Variants in SDHA observed in about 807,000 individuals in gnomAD.
SDHA encodes succinate dehydrogenase [ubiquinone] flavoprotein subunit, mitochondrial.
SDHA carries 48 observed loss-of-function variants against 78.4 expected under a neutral mutation model. That is an observed-to-expected ratio of 0.61 (90% confidence interval 0.49 to 0.78). The LOEUF (loss-of-function observed/expected upper bound fraction) is 0.78. Ranked by LOEUF, SDHA falls within the 30% of genes least tolerant of loss-of-function variation. SDHA has a pLI of 0.00. For synonymous variants in SDHA, 326 were observed against 353.9 expected (o/e 0.92, Z 0.88); for missense variants, 680 against 892.7 (o/e 0.76, Z 3.04).
At chr5:254,563 C>T (rs1737059922) in intron 14 of SDHA, 57 bp downstream of exon 14, 1 of 1,501,430 alleles carries the variant, frequency 6.7e-7, no homozygotes, top group Non-Finnish European at 9.0e-7. Flanking sequence ...CCGCCCAGGC[C>T]TGCGGGCTGG....
At chr5:230,766 A>G (rs1231894303) in intron 6 of SDHA, 110 bp from the exon 7 acceptor site, 33 of 1,448,182 alleles carry the variant, frequency 2.3e-5, no homozygotes. Context: ...GTGTGTGCAC[A>G]GCACTGAGAA....
the SDHA span, among the ~76,000 whole-genome samples, chr5:265,299 C>CCT: frequency 6.6e-6 from 1 of 152,184 alleles, no homozygotes; most frequent in Non-Finnish European, 1.5e-5. Context: ...TTGTTCCTTT[C>CCT]ACATAGACAC....
At chr5:252,447 A>G (rs1425508919) in intron 13 of SDHA, among the ~76,000 whole-genome samples, 1 of 148,326 alleles carries the variant, frequency 6.7e-6, no homozygotes, top group African/African-American at 2.5e-5. Context: ...TGTGGAGGAA[A>G]TGCCAGTTTA....
intron 10 of SDHA, among the ~76,000 whole-genome samples, chr5:238,170 T>C (rs961321313): frequency 2.0e-5 from 3 of 151,804 alleles, no homozygotes; most frequent in African/African-American, 7.3e-5. Context: ...ATGCCTGTGG[T>C]TCTGTTGATA....
intron 4 of SDHA, 66 bp from the exon 5 acceptor site, chr5:225,817 G>C (rs1734981998): frequency 6.3e-7 from 1 of 1,585,466 alleles, no homozygotes; most frequent in African/African-American, 1.3e-5. Context: ...GTTTAGTGTA[G>C]ATTAGCTGCG....
At chr5:232,666 AAAAT>A (rs1735484638) in intron 7 of SDHA, among the ~76,000 whole-genome samples, 1 of 151,740 alleles carries the variant, frequency 6.6e-6, no homozygotes, top group African/African-American at 2.4e-5. Flanking sequence ...TGAAACTTAG[AAAAT>A]CAAAAGACAG....
intron 11 of SDHA, chr5:249,168 A>C (rs983818305): frequency 2.4e-5 from 9 of 375,398 alleles, no homozygotes; most frequent in Non-Finnish European, 1.0e-5. Context: ...AAAATGGATA[A>C]AAACACTTGG....
intron 7 of SDHA, among the ~76,000 whole-genome samples, chr5:232,708 C>A (rs1211341500): frequency 6.6e-6 from 1 of 151,552 alleles, no homozygotes; most frequent in Non-Finnish European, 1.5e-5. Flanking sequence ...TTTTTAAAAG[C>A]AAGATTGCCC....
the SDHA span, among the ~76,000 whole-genome samples, chr5:267,176 AG>A: frequency 6.6e-6 from 1 of 152,252 alleles, no homozygotes; most frequent in Non-Finnish European, 1.5e-5. Context: ...AAAAGTGGTA[AG>A]TCATTGTCTT....
At chr5:246,336 A>C (rs1217617951) in intron 11 of SDHA, among the ~76,000 whole-genome samples, 1 of 152,126 alleles carries the variant, frequency 6.6e-6, no homozygotes, top group Non-Finnish European at 1.5e-5. Context: ...AAGGCCATAA[A>C]GCCCAAGTAA....
chr5:226,507 T>G (rs1374115152), intron 5 of SDHA, among the ~76,000 whole-genome samples: 1 of 152,048 alleles, frequency 6.6e-6, no homozygotes, highest in Non-Finnish European at 1.5e-5. Flanking sequence ...TGGTACATGC[T>G]TGTAATCCCA....
At chr5:257,132 CTGAGAACGAA>C (rs1737257148), downstream of SDHA, among the ~76,000 whole-genome samples, 1 of 152,184 alleles carries the variant, frequency 6.6e-6, no homozygotes, top group Admixed American at 6.5e-5. Context: ...ATGTTGGTGC[CTGAGAACGAA>C]TGGAGAAAAC....
intron 11 of SDHA, among the ~76,000 whole-genome samples, chr5:241,694 C>T: frequency 6.6e-6 from 1 of 152,182 alleles, no homozygotes; most frequent in East Asian, 1.9e-4. Context: ...CTAAAAAGTC[C>T]ATTGCTTTAG....
At chr5:257,670 C>G (rs1737295870), downstream of SDHA, among the ~76,000 whole-genome samples, 2 of 121,292 alleles carry the variant, frequency 1.6e-5, no homozygotes, top group South Asian at 4.8e-4. Flanking sequence ...TGGGTGAGCT[C>G]CACCCCCTGC....
In SDHA at chr5:229,794, G is replaced by T. The variant is rs1188757983; in HGVS notation, c.771-1082G>T. Among the ~76,000 whole-genome samples, 724 of 125,646 alleles carry T rather than the reference G, an allele frequency of 5.8e-3. 14 individuals carry two copies. The highest frequency in any genetic ancestry group is 0.035 in the African/African-American group (663 of 18,744). The allele number at this position is 125,646 out of a possible 152,430, so 82.4% of individuals were successfully genotyped here. ...TTAACATTATACAGCATGGTGGCTAGAGTTAACATTATACAGCATGGTGGC... is the reference window on the plus strand; with the variant it reads ...TTAACATTATACAGCATGGTGGCTATAGTTAACATTATACAGCATGGTGGC... On this transcript the variant is annotated intron_variant, in intron 6 of 14. Coordinates refer to ENST00000264932, the MANE Select transcript of SDHA (RefSeq NM_004168.4).
Position 224,385 on chromosome 5 carries a change from A to G in SDHA, c.176A>G (p.Asp59Gly), listed in dbSNP as rs775449731. The G allele has an allele frequency of 3.1e-6, 5 of 1,613,572 alleles. No individual in the cohort carries two copies. The highest frequency in any genetic ancestry group is 2.5e-6 in the Non-Finnish European group (3 of 1,179,840). ...DSISAQYPVV[D>G]HEFDAVVVGA... Reference sequence around the variant, plus strand: ...ATTTCTGCTCAGTATCCAGTAGTGGATCATGAATTTGATGCAGTGGTGGTA... The same window carrying G: ...ATTTCTGCTCAGTATCCAGTAGTGGGTCATGAATTTGATGCAGTGGTGGTA... The change falls in exon 3 of 15, where the codon GAT (aspartate) becomes GGT (glycine). Residue 59 changes from aspartate to glycine, a missense_variant. Physicochemically the swap from Asp to Gly is moderately conservative, Grantham distance 94. Transcript: ENST00000264932.
chr5:250,176 C>G (rs528040622), intron 11 of SDHA: 2 of 152,296 alleles, frequency 1.3e-5, no homozygotes, highest in East Asian at 3.8e-4. Context: ...TACAGTGTTA[C>G]GATTATGTAT....
At chr5:236,271 A>G (rs1187837256) in intron 9 of SDHA, 157 bp from the exon 10 acceptor site, 31 of 730,476 alleles carry the variant, frequency 4.2e-5, no homozygotes, top group South Asian at 1.1e-4. Context: ...GTGATCACCC[A>G]CCTCAGCCTC....
intron 10 of SDHA, among the ~76,000 whole-genome samples, chr5:238,946 G>C (rs1735954779): frequency 6.6e-6 from 1 of 151,548 alleles, no homozygotes; most frequent in South Asian, 2.1e-4. Flanking sequence ...GGGCAAGAGA[G>C]GGAGGAGACA....
Sources: gnomAD v4.1 joint callset for allele counts (sites outside exome capture counted in the v4.1 genomes callset) on GRCh38, gnomAD v4.1.1 for gene constraint, MANE v1.5 for transcripts, NCBI Gene and HGNC (gene_info 2026-07-23, HGNC 2026-07-21) for gene names.